The following LYPD6 variants were observed in gnomAD, a reference collection of about 807,000 sequenced individuals.
LYPD6 encodes ly6/PLAUR domain-containing protein 6.
In LYPD6, 15 loss-of-function variants were observed where a neutral mutation model predicts 22.7. That is an observed-to-expected ratio of 0.66 (90% CI 0.44 to 1.02). The LOEUF is 1.02. LYPD6 is among the 50% of genes least tolerant of loss of function. The pLI is 0.00. For missense variants in LYPD6, 189 were observed against 208.4 expected, an observed-to-expected ratio of 0.91 and a Z score of 0.57; for synonymous variants, 72 against 77.5, an observed-to-expected ratio of 0.93 and a Z score of 0.37.
At chr2:149,390,374 A>C (rs1296258684) in intron 1 of LYPD6, among the ~76,000 whole-genome samples, 1 of 152,206 alleles carries the variant, frequency 6.6e-6, no homozygotes, top group Non-Finnish European at 1.5e-5. Flanking sequence ...GTAGCTGTGA[A>C]GCTAAATGCT....
chr2:149,461,990 C>A (rs534496512), intron 3 of LYPD6, among the ~76,000 whole-genome samples: 1 of 152,084 alleles, frequency 6.6e-6, no homozygotes, highest in African/African-American at 2.4e-5. Flanking sequence ...GAGAACTAGG[C>A]AATTATGTCT....
chr2:149,354,098 C>A (rs1196423146), intron 1 of LYPD6, among the ~76,000 whole-genome samples: 1 of 152,152 alleles, frequency 6.6e-6, no homozygotes, highest in Non-Finnish European at 1.5e-5. Flanking sequence ...GTCCTTCCTC[C>A]CGCATTGGGT....
At chr2:149,461,517 G>A (rs1418992628) in intron 3 of LYPD6, among the ~76,000 whole-genome samples, 1 of 151,520 alleles carries the variant, frequency 6.6e-6, no homozygotes, top group Non-Finnish European at 1.5e-5. Flanking sequence ...AAGAGAAGGG[G>A]GAATACTCAA....
intron 1 of LYPD6, among the ~76,000 whole-genome samples, chr2:149,330,977 C>G (rs1315611693): frequency 6.6e-6 from 1 of 152,112 alleles, no homozygotes; most frequent in Non-Finnish European, 1.5e-5. Flanking sequence ...TGGGCTGGCG[C>G]GTGGAGGGTG....
chr2:149,417,544 A>G (rs1682990984), intron 1 of LYPD6, among the ~76,000 whole-genome samples: 3 of 152,080 alleles, frequency 2.0e-5, no homozygotes, highest in Non-Finnish European at 4.4e-5. Flanking sequence ...AAATGGGGAG[A>G]CTGCATGTTG....
At position 149,372,172 on chromosome 2, in the gene LYPD6, G is replaced by T. The variant is rs1028610435; in HGVS notation, c.-72+41450G>T. On this transcript the variant is annotated intron_variant, in intron 1 of 4. Transcript: ENST00000334166. ...TCCTGGGTGAATAGAATGTTCAGTGGGTGCAGGTGAGGCTTTATCAGACTT... is the reference window on the plus strand; with the variant it reads ...TCCTGGGTGAATAGAATGTTCAGTGTGTGCAGGTGAGGCTTTATCAGACTT... Among the ~76,000 whole-genome samples, 7 of 152,122 alleles carry T rather than the reference G, an allele frequency of 4.6e-5. No individual in the cohort carries two copies. In the East Asian group the frequency reaches 1.3e-3, roughly 29 times the overall value.
intron 1 of LYPD6, among the ~76,000 whole-genome samples, chr2:149,433,613 A>C (rs1046955046): frequency 2.6e-5 from 4 of 152,074 alleles, no homozygotes; most frequent in Admixed American, 6.6e-5. Flanking sequence ...GTTTTTGGCC[A>C]TTTGGGTTTT....
intron 1 of LYPD6, among the ~76,000 whole-genome samples, chr2:149,410,802 T>C (rs1020049816): frequency 1.3e-5 from 2 of 152,202 alleles, no homozygotes; most frequent in African/African-American, 4.8e-5. Flanking sequence ...GGGCAGGTGA[T>C]GTGTAATACA....
At chr2:149,439,072 A>T (rs1342503344) in intron 2 of LYPD6, among the ~76,000 whole-genome samples, 1 of 152,224 alleles carries the variant, frequency 6.6e-6, no homozygotes, top group East Asian at 1.9e-4. Flanking sequence ...TAATATCTGT[A>T]AAACACTAGG....
chr2:149,433,825 T>C (rs1683370667), intron 1 of LYPD6, among the ~76,000 whole-genome samples: 1 of 152,224 alleles, frequency 6.6e-6, no homozygotes, highest in African/African-American at 2.4e-5. Flanking sequence ...CTGTGTCTAG[T>C]CTGTAAAAAT....
At chr2:149,451,624 C>G (rs751330095) in intron 3 of LYPD6, among the ~76,000 whole-genome samples, 16 of 152,198 alleles carry the variant, frequency 1.1e-4, no homozygotes, top group Non-Finnish European at 2.4e-4. Context: ...GAAGTTCCAT[C>G]TTGATACTTT....
chr2:149,469,207 G>A (rs937089222), intron 4 of LYPD6, among the ~76,000 whole-genome samples: 3 of 152,144 alleles, frequency 2.0e-5, no homozygotes, highest in African/African-American at 7.2e-5. Flanking sequence ...TGTTAGTTTG[G>A]GGAGGGTCTC....
intron 1 of LYPD6, among the ~76,000 whole-genome samples, chr2:149,370,048 A>C (rs914981177): frequency 9.9e-5 from 15 of 152,106 alleles, no homozygotes; most frequent in African/African-American, 3.4e-4. Context: ...TGGGGTGCAG[A>C]TGTAGATAAT....
At chr2:149,405,694 T>G (rs866377429) in intron 1 of LYPD6, among the ~76,000 whole-genome samples, 3 of 152,300 alleles carry the variant, frequency 2.0e-5, no homozygotes, top group South Asian at 2.1e-4. Flanking sequence ...GCTCCTGGAT[T>G]CATTAATTGT....
At chr2:149,387,793 C>T (rs1682220022) in intron 1 of LYPD6, among the ~76,000 whole-genome samples, 2 of 152,238 alleles carry the variant, frequency 1.3e-5, no homozygotes, top group Admixed American at 6.5e-5. Context: ...AAGATGGGAA[C>T]GTGTACTTTT....
chr2:149,412,860 T>G (rs948490043), intron 1 of LYPD6, among the ~76,000 whole-genome samples: 3 of 152,234 alleles, frequency 2.0e-5, no homozygotes, highest in African/African-American at 7.2e-5. Flanking sequence ...AATTCCCATT[T>G]GTGAATGATG....
upstream of LYPD6, chr2:149,330,515 G>A (rs1680911383): frequency 6.7e-6 from 1 of 149,430 alleles, no homozygotes. Context: ...TGCGGGCGGC[G>A]GCCAGTGCCC....
In LYPD6 at chr2:149,403,314, C is replaced by G. The variant is rs531766153; in HGVS notation, c.-71-34324C>G. The stretch of plus-strand genomic sequence containing the variant: ...CCCTGAGGAATCGCCACACTGACTT[C>G]CACAATGGTTGAACTAGTTTACAGT... On this transcript the variant is annotated intron_variant, in intron 1 of 4. Coordinates refer to ENST00000334166, the MANE Select transcript of LYPD6 (RefSeq NM_194317.5). Among the ~76,000 whole-genome samples the G allele has an allele frequency of 3.4e-4, 51 of 150,450 alleles. No homozygotes were observed. The East Asian group carries it at 7.4e-3, about 22-fold the overall frequency.
chr2:149,437,269 G>C (rs1457363697), intron 1 of LYPD6, among the ~76,000 whole-genome samples: 1 of 152,122 alleles, frequency 6.6e-6, no homozygotes, highest in African/African-American at 2.4e-5. Context: ...TATCTGACCT[G>C]CACCATTCTC....
Sources: allele counts gnomAD v4.1 joint callset (sites outside exome capture counted in the v4.1 genomes callset), GRCh38; gene constraint gnomAD v4.1.1; transcripts MANE v1.5; gene names NCBI Gene and HGNC (gene_info 2026-07-23, HGNC 2026-07-21).